Variants in DROSHA observed in about 807,000 individuals in gnomAD.
DROSHA encodes ribonuclease 3.
Under a neutral mutation model 181.9 loss-of-function variants are expected in DROSHA, and 56 were observed. The observed-to-expected ratio is 0.31, with a 90% CI of 0.25 to 0.38. DROSHA has a LOEUF of 0.38. Ranked by LOEUF, DROSHA falls within the 10% of genes least tolerant of loss-of-function variation. The pLI, the probability that DROSHA is intolerant of heterozygous loss-of-function variation, is 1.00. For missense variants in DROSHA, 1,218 were observed against 1,743.5 expected, an observed-to-expected ratio of 0.70 and a Z score of 5.37; for synonymous variants, 524 against 591.2, an observed-to-expected ratio of 0.89 and a Z score of 1.65.
At chr5:31,496,542 T>G (rs1753000769) in intron 11 of DROSHA, among the ~76,000 whole-genome samples, 1 of 152,178 alleles carries the variant, frequency 6.6e-6, no homozygotes, top group Non-Finnish European at 1.5e-5. Context: ...CACTGAAACA[T>G]GCTTAAATGT....
intron 16 of DROSHA, among the ~76,000 whole-genome samples, chr5:31,473,668 A>G (rs1165592414): frequency 1.3e-5 from 2 of 152,216 alleles, no homozygotes; most frequent in African/African-American, 4.8e-5. Context: ...AAGGAACTAG[A>G]GTTGTATCTA....
At chr5:31,516,613 A>G (rs1739300965) in intron 6 of DROSHA, among the ~76,000 whole-genome samples, 1 of 152,204 alleles carries the variant, frequency 6.6e-6, no homozygotes, top group Non-Finnish European at 1.5e-5. Context: ...GTTACCAGAA[A>G]AATTACTGTC....
Position 31,529,159 on chromosome 5 carries a change from G to A in DROSHA, c.-46-54C>T. On this transcript the variant is annotated intron_variant, in intron 3 of 35. Transcript: ENST00000344624. ...TAAACATGTTTCCCAAACTGCCAAT[G>A]CTACAAAATATTTCTGCAATTACCA... 2.0e-6 allele frequency: 3 copies of A among 1,471,556 alleles called. No individual in the cohort carries two copies. In the South Asian group the frequency reaches 3.7e-5, roughly 18 times the overall value. The allele number at this position is 1,471,556 out of a possible 1,614,324, so 91.2% of individuals were successfully genotyped here.
intron 24 of DROSHA, 25 bp downstream of exon 24, chr5:31,437,214 G>C (rs1394033431): frequency 6.4e-7 from 1 of 1,555,538 alleles, no homozygotes; most frequent in Non-Finnish European, 8.7e-7. Flanking sequence ...TTGAGGAATT[G>C]TAAAAAACAA....
rs866573300 is a variant in DROSHA at position 31,526,790 on chromosome 5, G to A, written c.143C>T (p.Pro48Leu). 1 of 1,609,698 alleles carries A rather than the reference G, an allele frequency of 6.2e-7. No homozygotes were observed. Among genetic ancestry groups the A allele is most frequent in the African/African-American group, 1.3e-5 (1 of 74,648 alleles). Reference protein sequence around the residue: ...NLRLLHPQQPPVQYQYEPPSA... With the variant: ...NLRLLHPQQPLVQYQYEPPSA... ...TGGAGGTTCATATTGATATTGCACA[G>A]GAGGCTGCTGAGGGTGAAGCAGCCT... The change falls in exon 5 of 36, where the codon CCT (proline) becomes CTT (leucine). Residue 48 changes from proline to leucine, a missense_variant. Physicochemically the swap from Pro to Leu is moderately conservative, Grantham distance 98. Coordinates refer to ENST00000344624, the MANE Select transcript of DROSHA (RefSeq NM_001382508.1).
intron 4 of DROSHA, 96 bp from the exon 5 acceptor site, chr5:31,527,008 A>C: frequency 1.7e-6 from 2 of 1,153,954 alleles, no homozygotes. Context: ...CTTGATGAGC[A>C]ACTCAAAGAC....
At chr5:31,451,215 A>G (rs1466206797) in intron 21 of DROSHA, among the ~76,000 whole-genome samples, 3 of 152,210 alleles carry the variant, frequency 2.0e-5, no homozygotes, top group Non-Finnish European at 4.4e-5. Context: ...AAAAGAAAAA[A>G]AAAATCTACA....
intron 11 of DROSHA, among the ~76,000 whole-genome samples, chr5:31,504,220 G>A (rs979334031): frequency 6.6e-6 from 1 of 152,160 alleles, no homozygotes; most frequent in African/African-American, 2.4e-5. Flanking sequence ...TACTAAGAGC[G>A]TCGCTCCAGG....
chr5:31,510,115 A>T (rs1302667378), intron 9 of DROSHA, among the ~76,000 whole-genome samples: 1 of 152,000 alleles, frequency 6.6e-6, no homozygotes. Context: ...CATCTCCACA[A>T]AAAGAAAAAT....
At chr5:31,510,032 TTATA>T (rs1738482113) in intron 9 of DROSHA, among the ~76,000 whole-genome samples, 1 of 136,052 alleles carries the variant, frequency 7.4e-6, no homozygotes, top group Admixed American at 8.1e-5. Flanking sequence ...TTTGTATTAC[TTATA>T]TTTTACCACA....
chr5:31,486,714 C>T (rs533221437), intron 13 of DROSHA, 152 bp from the exon 14 acceptor site: 5 of 592,118 alleles, frequency 8.4e-6, no homozygotes, highest in African/African-American at 3.7e-5. Context: ...GAAGCTTGAC[C>T]ACAACTGCTG....
At position 31,447,093 on chromosome 5, in the gene DROSHA, C is replaced by T. The variant is rs952435110; in HGVS notation, c.2882+1454G>A. On this transcript the variant is annotated intron_variant, in intron 23 of 35. Coordinates refer to ENST00000344624, the MANE Select transcript of DROSHA (RefSeq NM_001382508.1). ...ATGGAATACTATGCAGCCATAAAAGCGAATGAGATCATGTCCTTTGCAGGG... is the reference window on the plus strand; with the variant it reads ...ATGGAATACTATGCAGCCATAAAAGTGAATGAGATCATGTCCTTTGCAGGG... 3.3e-5 allele frequency among the ~76,000 whole-genome samples: 5 copies of T among 152,170 alleles called. No homozygotes were observed. In the East Asian group the frequency reaches 7.7e-4, roughly 24 times the overall value.
chr5:31,429,664 A>C, intron 26 of DROSHA, 119 bp from the exon 27 acceptor site: 2 of 713,084 alleles, frequency 2.8e-6, no homozygotes, highest in Non-Finnish European at 4.7e-6. Flanking sequence ...ACAAATCAAC[A>C]TGTTCAGAAG....
chr5:31,431,779 G>C (rs115081432), intron 25 of DROSHA, 101 bp from the exon 26 acceptor site: 4 of 1,006,592 alleles, frequency 4.0e-6, no homozygotes, highest in Non-Finnish European at 6.1e-6. Flanking sequence ...AGACGAGATG[G>C]GGGCAGCGTA....
At chr5:31,404,020 T>A (rs1413208202) in intron 35 of DROSHA, among the ~76,000 whole-genome samples, 1 of 151,768 alleles carries the variant, frequency 6.6e-6, no homozygotes, top group African/African-American at 2.4e-5. Flanking sequence ...TGGGCTCAAG[T>A]GATCCTCTGG....
At chr5:31,445,496 C>A (rs1318127353) in intron 23 of DROSHA, among the ~76,000 whole-genome samples, 2 of 152,080 alleles carry the variant, frequency 1.3e-5, no homozygotes, top group African/African-American at 2.4e-5. Context: ...CAAAACATCA[C>A]GGGAAAAGAA....
At chr5:31,503,364 G>A (rs1351033665) in intron 11 of DROSHA, among the ~76,000 whole-genome samples, 2 of 152,150 alleles carry the variant, frequency 1.3e-5, no homozygotes, top group East Asian at 1.9e-4. Context: ...ATTCCTCCAG[G>A]AGACCAAACT....
chr5:31,495,216 A>G, intron 12 of DROSHA, 70 bp downstream of exon 12: 9 of 1,462,428 alleles, frequency 6.2e-6, no homozygotes, highest in Non-Finnish European at 8.5e-6. Flanking sequence ...AGAATCAATA[A>G]CTTTAGCCTA....
At chr5:31,493,141 C>T (rs1163659870) in intron 13 of DROSHA, 66 bp downstream of exon 13, 3 of 1,482,540 alleles carry the variant, frequency 2.0e-6, no homozygotes, top group Non-Finnish European at 2.8e-6. Context: ...AATGTTTTGA[C>T]TTTTGGAAAG....
Sources: gnomAD v4.1 joint callset for allele counts (sites outside exome capture counted in the v4.1 genomes callset) on GRCh38, gnomAD v4.1.1 for gene constraint, MANE v1.5 for transcripts, NCBI Gene and HGNC (gene_info 2026-07-23, HGNC 2026-07-21) for gene names.